KCNC2: variants seen among roughly 807,000 people sequenced by gnomAD.
KCNC2 encodes voltage-gated potassium channel KCNC2.
A neutral mutation model predicts 44.5 loss-of-function variants in KCNC2; 21 were observed. The ratio of observed to expected loss-of-function variants is 0.47; its 90% CI spans 0.33 to 0.68. KCNC2 has a LOEUF of 0.68. Among genes scored for constraint, KCNC2 ranks in the 30% least tolerant of loss-of-function variants. The pLI, the probability that KCNC2 is intolerant of heterozygous loss-of-function variation, is 0.01. For synonymous variants in KCNC2, 391 were observed against 339.1 expected (o/e 1.15, Z -1.68); for missense variants, 589 against 826.2 (o/e 0.71, Z 3.52).
intron 2 of KCNC2, among the ~76,000 whole-genome samples, chr12:75,194,161 C>T (rs893516875): frequency 6.6e-6 from 1 of 152,104 alleles, no homozygotes; most frequent in Non-Finnish European, 1.5e-5. Context: ...CTACCCCAAA[C>T]CTCAGAATTA....
intron 2 of KCNC2, among the ~76,000 whole-genome samples, chr12:75,066,524 G>T (rs980762375): frequency 3.3e-5 from 5 of 152,100 alleles, no homozygotes; most frequent in African/African-American, 1.2e-4. Flanking sequence ...CTTAACTTCT[G>T]TTAATTTTAC....
chr12:75,127,879 A>G (rs1888549660), intron 2 of KCNC2, among the ~76,000 whole-genome samples: 1 of 152,158 alleles, frequency 6.6e-6, no homozygotes, highest in Non-Finnish European at 1.5e-5. Flanking sequence ...CAGTTGCAAT[A>G]TTGTGGAAAA....
chr12:75,041,604 G>A lies in KCNC2; in HGVS notation c.*1501C>T, dbSNP rs1223926792. ...ACACGCTATTGCTGTTGAATTCATA[G>A]GAATGCATAAATAGACTTTCTTCCA... On this transcript the variant is annotated 3_prime_UTR_variant, in exon 5 of 5. Coordinates refer to ENST00000549446, the MANE Select transcript of KCNC2 (RefSeq NM_139137.4). 1 of 1,032,284 alleles carries A rather than the reference G, an allele frequency of 9.7e-7. No homozygotes were observed. The highest frequency in any genetic ancestry group is 1.7e-5 in the African/African-American group (1 of 58,978). The allele number at this position is 1,032,284 out of a possible 1,614,324, so 63.9% of individuals were successfully genotyped here.
intron 2 of KCNC2, among the ~76,000 whole-genome samples, chr12:75,098,030 A>C (rs1171356762): frequency 6.6e-6 from 1 of 152,126 alleles, no homozygotes; most frequent in Non-Finnish European, 1.5e-5. Context: ...TTACATTATT[A>C]TAAACATGTA....
chr12:75,049,858 T>G (rs1473205468), intron 3 of KCNC2, among the ~76,000 whole-genome samples: 2 of 152,130 alleles, frequency 1.3e-5, no homozygotes, highest in Admixed American at 1.3e-4. Flanking sequence ...AGAGCTTTGT[T>G]ATCAAAAAGG....
rs774697006 is a variant in KCNC2, at chr12:75,043,149, A to T, written c.1873T>A (p.Cys625Ser). 2.5e-6 allele frequency: 4 copies of T among 1,612,492 alleles called. No individual in the cohort carries two copies. Among genetic ancestry groups the T allele is most frequent in the South Asian group, 2.2e-5 (2 of 91,046 alleles). ...GGAGATCGAGAGCGCCTCAGAGGACAAGGAGAGTTGTAGGGTGATGTTACT... is the reference window on the plus strand; with the variant it reads ...GGAGATCGAGAGCGCCTCAGAGGACTAGGAGAGTTGTAGGGTGATGTTACT... ...SPVTSPYNSP[C>S]PLRRSRSPIP... is the part of the protein sequence containing the mutation. The change falls in exon 5 of 5, where the codon TGT (cysteine) becomes AGT (serine). Residue 625 changes from cysteine (C) to serine (S), a missense_variant. Cys to Ser is a moderately radical substitution (Grantham distance 112, BLOSUM62 -1). Around this residue, in one of 7 missense-constraint regions of KCNC2, gnomAD observed 171 missense variants for 182.4 expected, o/e 0.94. Coordinates refer to ENST00000549446, the MANE Select transcript of KCNC2 (RefSeq NM_139137.4).
At chr12:75,147,687 T>C (rs950500715) in intron 2 of KCNC2, among the ~76,000 whole-genome samples, 14 of 152,164 alleles carry the variant, frequency 9.2e-5, no homozygotes, top group Admixed American at 2.0e-4. Flanking sequence ...ACATGACACA[T>C]GGCTTGGCCA....
chr12:75,186,945 C>A (rs2137682705), intron 2 of KCNC2, among the ~76,000 whole-genome samples: 1 of 152,234 alleles, frequency 6.6e-6, no homozygotes, highest in African/African-American at 2.4e-5. Context: ...GTATAATTTT[C>A]TTTTTATTAG....
chr12:75,171,990 C>T (rs1419152099), intron 2 of KCNC2, among the ~76,000 whole-genome samples: 1 of 151,672 alleles, frequency 6.6e-6, no homozygotes, highest in Non-Finnish European at 1.5e-5. Context: ...GCATATACTG[C>T]ACATATACCC....
At chr12:75,115,456 A>G (rs1406677057) in intron 2 of KCNC2, among the ~76,000 whole-genome samples, 1 of 152,182 alleles carries the variant, frequency 6.6e-6, no homozygotes, top group African/African-American at 2.4e-5. Context: ...ATAACTCTAA[A>G]TTTCATCTAC....
intron 2 of KCNC2, among the ~76,000 whole-genome samples, chr12:75,138,979 T>TTAAAAAAAAAAAAAAA (rs1178222937): frequency 2.6e-5 from 2 of 77,928 alleles, no homozygotes; most frequent in African/African-American, 1.1e-4. Context: ...AGACTCCGTG[T>TTAAAAAAAAAAAAAAA]AAAAAAAAAA....
At chr12:75,191,549 TTTTTTTTTTTTG>T (rs1490356885) in intron 2 of KCNC2, among the ~76,000 whole-genome samples, 1,903 of 57,520 alleles carry the variant, frequency 0.033, 38 homozygotes, top group Admixed American at 0.11. Context: ...TTTTTTTTTT[TTTTTTTTTTTTG>T]GAGACGGAGT....
At chr12:75,058,671 C>G (rs140751439) in intron 2 of KCNC2, among the ~76,000 whole-genome samples, 2 of 152,034 alleles carry the variant, frequency 1.3e-5, no homozygotes, top group African/African-American at 2.4e-5. Context: ...TCTGTCTACC[C>G]TGCAGTACCA....
chr12:75,132,708 T>C (rs1888941941), intron 2 of KCNC2, among the ~76,000 whole-genome samples: 1 of 152,156 alleles, frequency 6.6e-6, no homozygotes, highest in African/African-American at 2.4e-5. Context: ...AAACTCTCAA[T>C]ACAAAATAAA....
At chr12:75,134,669 T>TA (rs1197713302) in intron 2 of KCNC2, among the ~76,000 whole-genome samples, 2 of 151,812 alleles carry the variant, frequency 1.3e-5, no homozygotes, top group African/African-American at 2.4e-5. Flanking sequence ...GCCTCTAAGA[T>TA]AAAAAATGCT....
intron 2 of KCNC2, among the ~76,000 whole-genome samples, chr12:75,111,265 A>C (rs1887215020): frequency 6.6e-6 from 1 of 152,080 alleles, no homozygotes; most frequent in Non-Finnish European, 1.5e-5. Flanking sequence ...TCTAGTCTGT[A>C]GATTTTGAGG....
At chr12:75,175,483 T>C (rs1892120873) in intron 2 of KCNC2, among the ~76,000 whole-genome samples, 1 of 152,002 alleles carries the variant, frequency 6.6e-6, no homozygotes, top group Non-Finnish European at 1.5e-5. Flanking sequence ...GCCCAGGACA[T>C]GACAGAATTG....
chr12:75,084,099 C>CAAAA lies in KCNC2; in HGVS notation c.688-32786_688-32783dup, dbSNP rs1884744585. Among the ~76,000 whole-genome samples, 3 of 151,650 alleles carry CAAAA rather than the reference C, an allele frequency of 2.0e-5. No homozygotes were observed. In the South Asian group the frequency reaches 6.2e-4, roughly 32 times the overall value. On this transcript the variant is annotated intron_variant, in intron 2 of 4. Transcript: ENST00000549446. ...AGAATTAAACTACTTCAAGTGTGTT[C>CAAAA]AAAAAGAAAGTTGAAAAATGTGGAG...
chr12:75,097,898 C>T (rs916154435), intron 2 of KCNC2, among the ~76,000 whole-genome samples: 1 of 152,064 alleles, frequency 6.6e-6, no homozygotes, highest in East Asian at 1.9e-4. Context: ...ATTTAAAAAC[C>T]CAATGTCCTT....
Sources: gnomAD v4.1 joint callset for allele counts (sites outside exome capture counted in the v4.1 genomes callset) on GRCh38, gnomAD v4.1.1 for gene constraint, gnomAD v4.1.1 regional missense constraint, MANE v1.5 for transcripts, NCBI Gene and HGNC (gene_info 2026-07-23, HGNC 2026-07-21) for gene names.